The following C3orf20 variants were observed in gnomAD, a reference collection of about 807,000 sequenced individuals.
C3orf20 encodes uncharacterized protein C3orf20.
A neutral mutation model predicts 88.3 loss-of-function variants in C3orf20; 76 were observed. The ratio of observed to expected loss-of-function variants is 0.86; its 90% confidence interval spans 0.72 to 1.04. C3orf20 has a LOEUF of 1.04. Among genes scored for constraint, C3orf20 ranks in the 50% least tolerant of loss-of-function variants. The pLI is 0.00. For missense variants in C3orf20, 1,056 were observed against 1,123.3 expected, an observed-to-expected ratio of 0.94 and a Z score of 0.86; for synonymous variants, 436 against 437.4, an observed-to-expected ratio of 1.00 and a Z score of 0.04.
chr3:14,712,177 C>T (rs58025233), intron 7 of C3orf20, among the ~76,000 whole-genome samples: 55,938 of 102,848 alleles, frequency 0.54, 10,544 homozygotes, highest in Middle Eastern at 0.6. Context: ...CACACACGCG[C>T]GCGCGCACAC....
At chr3:14,762,569 C>T (rs1435357335) in intron 15 of C3orf20, among the ~76,000 whole-genome samples, 2 of 152,194 alleles carry the variant, frequency 1.3e-5, no homozygotes, top group Non-Finnish European at 2.9e-5. Flanking sequence ...CAGTTTACCT[C>T]CCTAATCCTC....
chr3:14,761,894 G>C (rs1046325780), intron 15 of C3orf20, among the ~76,000 whole-genome samples: 2 of 152,142 alleles, frequency 1.3e-5, no homozygotes, highest in Non-Finnish European at 2.9e-5. Context: ...TGGGACACAA[G>C]TTTGGAAAAA....
chr3:14,751,047 G>T (rs1416031842), intron 12 of C3orf20, among the ~76,000 whole-genome samples: 3 of 152,010 alleles, frequency 2.0e-5, no homozygotes, highest in Non-Finnish European at 4.4e-5. Context: ...CTTCAAGTTT[G>T]CTGACCCTTT....
rs112132125 is a variant in C3orf20, at chr3:14,742,841, C to T, written c.1940+14153C>T. Among the ~76,000 whole-genome samples the T allele has an allele frequency of 2.0e-5, 3 of 152,038 alleles. No homozygotes were observed. The South Asian group carries it at 6.2e-4, about 32-fold the overall frequency. ...AGCAAAAGCAGAAACCCCTGATAAACCCATCAGATCTCATGAGATTTATTC... is the reference window on the plus strand; with the variant it reads ...AGCAAAAGCAGAAACCCCTGATAAATCCATCAGATCTCATGAGATTTATTC... On this transcript the variant is annotated intron_variant, in intron 12 of 16. Transcript: ENST00000253697.
intron 14 of C3orf20, among the ~76,000 whole-genome samples, chr3:14,761,042 G>T (rs988154662): frequency 6.6e-6 from 1 of 152,088 alleles, no homozygotes; most frequent in African/African-American, 2.4e-5. Context: ...TGCCCTCAAG[G>T]GTTTCCCATT....
At chr3:14,745,075 T>A (rs1380913979) in intron 12 of C3orf20, among the ~76,000 whole-genome samples, 2 of 152,076 alleles carry the variant, frequency 1.3e-5, no homozygotes, top group East Asian at 3.8e-4. Context: ...GGGACATTAG[T>A]GGGAAGTAAG....
intron 1 of C3orf20, among the ~76,000 whole-genome samples, chr3:14,680,835 A>G (rs1047257145): frequency 5.9e-5 from 9 of 152,248 alleles, no homozygotes; most frequent in Non-Finnish European, 7.3e-5. Flanking sequence ...CTGCACAGTC[A>G]GGATCAGATC....
rs532419748 is a variant in C3orf20, at chr3:14,757,701, C to T, written c.2244+27C>T. The T allele has an allele frequency of 3.8e-6, 6 of 1,594,822 alleles. No individual in the cohort carries two copies. The East Asian group carries it at 1.1e-4, about 30-fold the overall frequency. On this transcript the variant is annotated intron_variant, in intron 13 of 16. Coordinates refer to ENST00000253697, the MANE Select transcript of C3orf20 (RefSeq NM_032137.5). The stretch of plus-strand genomic sequence containing the variant: ...TTGGTCTGGGCCCAGTGAGGAGGCC[C>T]TGGAGGCCAGGGGCAGGGGTAGTGG...
intron 7 of C3orf20, among the ~76,000 whole-genome samples, chr3:14,710,955 G>A (rs965692931): frequency 6.0e-5 from 9 of 151,030 alleles, no homozygotes; most frequent in East Asian, 1.9e-4. Flanking sequence ...GTGCAGTGGC[G>A]CAATCTTGGC....
At position 14,684,366 on chromosome 3, in the gene C3orf20, C is replaced by T. The variant is rs767591433; in HGVS notation, c.609C>T (p.Ser203=). 3.5e-5 allele frequency: 57 copies of T among 1,613,884 alleles called. No individual in the cohort carries two copies. Among genetic ancestry groups the T allele is most frequent in the Non-Finnish European group, 4.3e-5 (51 of 1,179,978 alleles). Residue 203 remains serine (S), a synonymous_variant, in exon 4 of 17, where the codon AGC becomes AGT. Coordinates refer to ENST00000253697, the MANE Select transcript of C3orf20 (RefSeq NM_032137.5). The stretch of plus-strand genomic sequence containing the variant: ...CAGCCGGGAGAAGTGGCTACAGCAG[C>T]GGACAGTTGTGGAAAGGTGGGTACC... ...ISTAGRSGYS[S]GQLWKESLAN...
At chr3:14,687,350 C>T (rs193154093) in intron 4 of C3orf20, among the ~76,000 whole-genome samples, 65 of 152,184 alleles carry the variant, frequency 4.3e-4, no homozygotes, top group Non-Finnish European at 1.6e-4. Flanking sequence ...TTTTCTAAGA[C>T]AAAGTTGTGA....
chr3:14,697,738 G>A (rs1163640857), intron 5 of C3orf20, among the ~76,000 whole-genome samples: 1 of 125,576 alleles, frequency 8.0e-6, no homozygotes, highest in Non-Finnish European at 1.6e-5. Flanking sequence ...GCCCTAGTGT[G>A]TGATGTTCCC....
intron 12 of C3orf20, among the ~76,000 whole-genome samples, chr3:14,729,050 TTAAA>T (rs1228828519): frequency 1.3e-5 from 2 of 152,172 alleles, no homozygotes; most frequent in East Asian, 1.9e-4. Flanking sequence ...GTCAGAATCC[TTAAA>T]TAAGGTTTTC....
chr3:14,751,373 A>G (rs141971729), intron 12 of C3orf20, among the ~76,000 whole-genome samples: 254 of 152,306 alleles, frequency 1.7e-3, no homozygotes, highest in Middle Eastern at 3.4e-3. Flanking sequence ...GACTGGTTGG[A>G]CAGCGGGTGC....
intron 4 of C3orf20, among the ~76,000 whole-genome samples, chr3:14,685,907 G>A (rs553564687): frequency 8.4e-6 from 1 of 119,118 alleles, no homozygotes; most frequent in Non-Finnish European, 1.6e-5. Context: ...CTGTTGCCAC[G>A]CTGGAGTGCA....
intron 15 of C3orf20, 95 bp downstream of exon 15, chr3:14,761,710 A>T: frequency 3.5e-4 from 236 of 671,344 alleles, no homozygotes; most frequent in Middle Eastern, 1.4e-3. Context: ...TGAGGGGAGC[A>T]GGCGGGGCTG....
intron 13 of C3orf20, 99 bp downstream of exon 13, chr3:14,757,773 G>A: frequency 9.0e-7 from 1 of 1,110,920 alleles, no homozygotes; most frequent in Non-Finnish European, 1.3e-6. Context: ...CTGAGCACCT[G>A]CCTGAGGGGC....
chr3:14,720,021 G>A lies in C3orf20; in HGVS notation c.1435-1632G>A, dbSNP rs566781457. Among the ~76,000 whole-genome samples, 13 of 150,834 alleles carry A rather than the reference G, an allele frequency of 8.6e-5. No homozygotes were observed. The South Asian group carries it at 2.7e-3, about 31-fold the overall frequency. On this transcript the variant is annotated intron_variant, in intron 9 of 16. Transcript: ENST00000253697. ...TTTTTTTGTTTTTTTGTTTTGTTTT[G>A]TTTTGTTTTTTGTTTTTTGTTTTTT...
At chr3:14,713,906 C>A in intron 7 of C3orf20, 101 bp from the exon 8 acceptor site, 5 of 1,311,510 alleles carry the variant, frequency 3.8e-6, no homozygotes, top group Non-Finnish European at 5.3e-6. Flanking sequence ...GAATGATGCA[C>A]CAAATAGCTA....
Sources: allele counts gnomAD v4.1 joint callset (sites outside exome capture counted in the v4.1 genomes callset), GRCh38; gene constraint gnomAD v4.1.1; transcripts MANE v1.5; gene names NCBI Gene and HGNC (gene_info 2026-07-23, HGNC 2026-07-21).